The following MGAT4B variants were observed in gnomAD, a reference collection of about 807,000 sequenced individuals.
MGAT4B encodes alpha-1,3-mannosyl-glycoprotein 4-beta-N-acetylglucosaminyltransferase B.
In MGAT4B, 38 loss-of-function variants were observed where a neutral mutation model predicts 73.9. The ratio of observed to expected loss-of-function variants is 0.51; its 90% CI spans 0.40 to 0.67. The LOEUF is 0.67. Among genes scored for constraint, MGAT4B ranks in the 30% least tolerant of loss-of-function variants. The pLI is 0.00. For synonymous variants in MGAT4B, 373 were observed against 313.5 expected, an observed-to-expected ratio of 1.19 and a Z score of -2.01; for missense variants, 686 against 735.2, an observed-to-expected ratio of 0.93 and a Z score of 0.77.
In MGAT4B at chr5:179,801,347, A is replaced by G. The variant is rs1303645022; in HGVS notation, c.545T>C (p.Val182Ala). The G allele has an allele frequency of 6.2e-7, 1 of 1,611,670 alleles. No homozygotes were observed. Among genetic ancestry groups the G allele is most frequent in the East Asian group, 2.2e-5 (1 of 44,786 alleles). The change falls in exon 4 of 15, where the codon GTG (valine) becomes GCG (alanine). Residue 182 changes from valine (V) to alanine (A), a missense_variant. Val to Ala is a moderately conservative substitution (Grantham distance 64, BLOSUM62 0). This residue lies in a region of MGAT4B where 449 missense variants were observed against 536.8 expected (regional missense o/e 0.84). Coordinates refer to ENST00000292591, the MANE Select transcript of MGAT4B (RefSeq NM_014275.5). The surrounding 1 kb of genome is among the most constrained non-coding windows in gnomAD (Gnocchi z 4.8). ...CGGCTCACTCGCCTCGGCGATCAGC[A>G]CCACGATGACCGAGTCCTCCTTCTC... ...PQEKEDSVIV[V>A]LIAETDSQYT... is the part of the protein sequence containing the mutation.
chr5:179,797,899 C>G lies in MGAT4B; in HGVS notation c.*146G>C. The G allele has an allele frequency of 1.7e-6, 2 of 1,180,918 alleles. No homozygotes were observed. The highest frequency in any genetic ancestry group is 1.2e-6 in the Non-Finnish European group (1 of 839,190). 73.2% of individuals were successfully genotyped at this position (1,180,918 alleles called of 1,614,324 possible). On this transcript the variant is annotated 3_prime_UTR_variant, in exon 15 of 15. Transcript: ENST00000292591. ...CCAGCTCCTAGGGCCTCCGGGCCAG[C>G]GGCGGACCCCAGGCCGGCCCAAGCC... is the stretch of plus-strand genomic sequence containing the variant.
Position 179,799,539 on chromosome 5 carries a change from C to T in MGAT4B, c.1008G>A (p.Leu336=). 6.2e-7 allele frequency: 1 copy of T among 1,613,984 alleles called. No individual in the cohort carries two copies. Among genetic ancestry groups the T allele is most frequent in the South Asian group, 1.1e-5 (1 of 91,084 alleles). The change falls in exon 9 of 15, where the codon CTG becomes CTA. Residue 336 remains leucine (L), a synonymous_variant. Coordinates refer to ENST00000292591, the MANE Select transcript of MGAT4B (RefSeq NM_014275.5). ...TCTCGGGGTTGCAGACTTTCACCCA[C>T]AGAATATGGTCCAGGAGCCAGTCGA... ...KPIDWLLDHI[L]WVKVCNPEKD... is the part of the protein sequence containing the mutation.
At position 179,800,035 on chromosome 5, in the gene MGAT4B, G is replaced by C. The variant is rs1345362091; in HGVS notation, c.829C>G (p.Leu277Val). The C allele has an allele frequency of 6.2e-7, 1 of 1,613,936 alleles. No homozygotes were observed. The highest frequency in any genetic ancestry group is 1.3e-5 in the African/African-American group (1 of 74,926). Residue 277 changes from leucine to valine, a missense_variant, in exon 8 of 15, where the codon CTG (leucine) becomes GTG (valine). Leu to Val is a conservative substitution (Grantham distance 32). Around this residue, in one of 2 missense-constraint regions of MGAT4B, gnomAD observed 449 missense variants for 536.8 expected, o/e 0.84. Coordinates refer to ENST00000292591, the MANE Select transcript of MGAT4B (RefSeq NM_014275.5). Reference protein sequence around the residue: ...EDDIVAKPNYLSTMKNFALQQ... With the variant: ...EDDIVAKPNYVSTMKNFALQQ... ...AGTGCAAAGTTCTTCATGGTGCTCA[G>C]GTAGTTGGGCTTGGCCACGATGTCA...
At chr5:179,802,724 G>A (rs552607) in intron 1 of MGAT4B, 6 of 985,784 alleles carry the variant, frequency 6.1e-6, no homozygotes, top group Non-Finnish European at 7.2e-6. Flanking sequence ...GGATGGGGCA[G>A]CACAGAGGTG....
intron 7 of MGAT4B, 32 bp downstream of exon 7, chr5:179,800,152 C>T (rs1756846576): frequency 4.3e-6 from 7 of 1,612,910 alleles, no homozygotes; most frequent in Non-Finnish European, 5.9e-6. Flanking sequence ...CGGCGCAGGG[C>T]AGGGCAGGGC....
In MGAT4B at chr5:179,799,557, C is replaced by G; in HGVS notation, c.990G>C (p.Trp330Cys). Reference protein sequence around the residue: ...LMFYRDKPIDWLLDHILWVKV... With the variant: ...LMFYRDKPIDCLLDHILWVKV... Reference sequence around the variant, plus strand: ...TCACCCACAGAATATGGTCCAGGAGCCAGTCGATGGGCTTGTCCCGGTAGA... The same window carrying G: ...TCACCCACAGAATATGGTCCAGGAGGCAGTCGATGGGCTTGTCCCGGTAGA... The change falls in exon 9 of 15, where the codon TGG becomes TGC. Residue 330 changes from tryptophan (W) to cysteine (C), a missense_variant. Transcript: ENST00000292591. The G allele has an allele frequency of 6.2e-7, 1 of 1,614,012 alleles. No individual in the cohort carries two copies. The highest frequency in any genetic ancestry group is 1.1e-5 in the South Asian group (1 of 91,084).
chr5:179,800,251 G>A lies in MGAT4B; in HGVS notation c.728C>T (p.Thr243Ile). ...GDPKERVRWR[T>I]KQNLDYCFLM... ...GAAGCAGTAATCGAGGTTCTGTTTG[G>A]TCCTCCACCTGTGGGCCGGGGCGGG... The change falls in exon 7 of 15, where the codon ACC becomes ATC. Residue 243 changes from threonine (T) to isoleucine (I), a missense_variant. Thr to Ile is a moderately conservative substitution (Grantham distance 89). Coordinates refer to ENST00000292591, the MANE Select transcript of MGAT4B (RefSeq NM_014275.5). 1 of 1,613,222 alleles carries A rather than the reference G, an allele frequency of 6.2e-7. No homozygotes were observed. Among genetic ancestry groups the A allele is most frequent in the East Asian group, 2.2e-5 (1 of 44,892 alleles).
chr5:179,803,228 A>T, intron 1 of MGAT4B: 1 of 985,062 alleles, frequency 1.0e-6, no homozygotes, highest in Non-Finnish European at 1.2e-6. Flanking sequence ...GCCAGCCCCC[A>T]CCCTCCACAC....
At position 179,799,491 on chromosome 5, in the gene MGAT4B, C is replaced by T; in HGVS notation, c.1041+15G>A. ...CTTGGCCCTGCCCCTGCCAGTCCCGCCAGCTCTTGCTCACCGCATCCTTCT... is the reference window on the plus strand; with the variant it reads ...CTTGGCCCTGCCCCTGCCAGTCCCGTCAGCTCTTGCTCACCGCATCCTTCT... On this transcript the variant is annotated intron_variant, in intron 9 of 14. Coordinates refer to ENST00000292591, the MANE Select transcript of MGAT4B (RefSeq NM_014275.5). The T allele has an allele frequency of 6.2e-7, 1 of 1,613,652 alleles. No individual in the cohort carries two copies. The highest frequency in any genetic ancestry group is 8.5e-7 in the Non-Finnish European group (1 of 1,179,916).
rs1156887717 is a variant in MGAT4B, at chr5:179,806,454, G to A, written c.97+33C>T. On this transcript the variant is annotated intron_variant, in intron 1 of 14. Coordinates refer to ENST00000292591, the MANE Select transcript of MGAT4B (RefSeq NM_014275.5). The surrounding 1 kb of genome is among the most constrained non-coding windows in gnomAD (Gnocchi z 4.6). ...GCTCCCGCCGCCGACGCCCAGGTGC[G>A]CCAGGTGCGGGCCGGGCGGGGGTCG... 2.5e-6 allele frequency: 3 copies of A among 1,214,520 alleles called. No individual in the cohort carries two copies. The highest frequency in any genetic ancestry group is 2.1e-6 in the Non-Finnish European group (2 of 951,006). 75.2% of individuals were successfully genotyped at this position (1,214,520 alleles called of 1,614,324 possible).
Position 179,799,506 on chromosome 5 carries a change from C to A in MGAT4B, c.1041G>T (p.Ala347=). The A allele has an allele frequency of 1.2e-6, 2 of 1,613,840 alleles. No homozygotes were observed. Among genetic ancestry groups the A allele is most frequent in the South Asian group, 2.2e-5 (2 of 91,080 alleles). ...WVKVCNPEKD[A]KHCDRQKANL... The stretch of plus-strand genomic sequence containing the variant: ...GCCAGTCCCGCCAGCTCTTGCTCAC[C>A]GCATCCTTCTCGGGGTTGCAGACTT... Residue 347 remains alanine (A), a splice_region_variant and synonymous_variant, in exon 9 of 15, where the codon GCG becomes GCT. Coordinates refer to ENST00000292591, the MANE Select transcript of MGAT4B (RefSeq NM_014275.5).
At chr5:179,803,331 A>G in intron 1 of MGAT4B, 1 of 946,114 alleles carries the variant, frequency 1.1e-6, no homozygotes, top group Non-Finnish European at 1.3e-6. Context: ...TGGCTCTGCC[A>G]GGCTCCACGC....
chr5:179,801,913 C>CTT lies in MGAT4B; in HGVS notation c.153_154insAA (p.Ala52LysfsTer43). On this transcript the variant is annotated frameshift_variant, in exon 2 of 15. Coordinates refer to ENST00000292591, the MANE Select transcript of MGAT4B (RefSeq NM_014275.5). LOFTEE classifies it high-confidence loss of function. This position sits in a 1 kb window ranked among gnomAD's most constrained non-coding sequence, Gnocchi z 4.8. ...CGCTTGAGGCTCTCCTGCTCAGCTG[C>CTT]GTGCAACCGATCGCGCAGCGCCAGG... The CTT allele has an allele frequency of 6.2e-7, 1 of 1,613,334 alleles. No homozygotes were observed. Among genetic ancestry groups the CTT allele is most frequent in the Non-Finnish European group, 8.5e-7 (1 of 1,179,978 alleles).
Position 179,802,066 on chromosome 5 carries a change from G to GC in MGAT4B, c.98-98dup, listed in dbSNP as rs751037005. 45 of 1,596,600 alleles carry GC rather than the reference G, an allele frequency of 2.8e-5. 1 individual carries two copies. In the South Asian group the frequency reaches 5.0e-4, roughly 18 times the overall value. On this transcript the variant is annotated intron_variant, in intron 1 of 14. Coordinates refer to ENST00000292591, the MANE Select transcript of MGAT4B (RefSeq NM_014275.5). ...CGCACACATCTGGGTGTCCACCTCT[G>GC]CAATAGCTCATTGACATCTGTTCTT... is the stretch of plus-strand genomic sequence containing the variant.
In MGAT4B at chr5:179,799,584, C is replaced by A. The variant is rs192627568; in HGVS notation, c.963G>T (p.Met321Ile). 1.2e-6 allele frequency: 2 copies of A among 1,613,990 alleles called. No individual in the cohort carries two copies. The highest frequency in any genetic ancestry group is 1.7e-5 in the Admixed American group (1 of 60,026). Residue 321 changes from methionine (M) to isoleucine (I), a missense_variant, in exon 9 of 15, where the codon ATG becomes ATT. By Grantham distance (10) the Met-to-Ile change is conservative. Transcript: ENST00000292591. ...AGTCGATGGGCTTGTCCCGGTAGAA[C>A]ATGAGAATGAACTCTACAATCAGGC... The part of the protein sequence containing the change: ...DLSLIVEFIL[M>I]FYRDKPIDWL...
chr5:179,798,859 CG>C, intron 11 of MGAT4B, 68 bp downstream of exon 11: 1 of 1,547,812 alleles, frequency 6.5e-7, no homozygotes, highest in South Asian at 1.1e-5. Context: ...GATAACTTGC[CG>C]GTGAAGCCTA....
chr5:179,799,463 C>T, intron 9 of MGAT4B, 43 bp downstream of exon 9: 9 of 1,612,120 alleles, frequency 5.6e-6, no homozygotes, highest in Non-Finnish European at 5.9e-6. Flanking sequence ...AGGCTGCCTG[C>T]CCCTTGGCCC....
rs767834873 is a variant in MGAT4B at position 179,800,086 on chromosome 5, AG to A, written c.796-19del. ...TCCTCCAGCTGCGAGGTGAGCAGAG[AG>A]GGGCTGGGGCTGAGGAAGGGCACCC... On this transcript the variant is annotated intron_variant, in intron 7 of 14. Coordinates refer to ENST00000292591, the MANE Select transcript of MGAT4B (RefSeq NM_014275.5). 5 of 1,612,850 alleles carry A rather than the reference AG, an allele frequency of 3.1e-6. No homozygotes were observed. In the Admixed American group the frequency reaches 8.3e-5, roughly 27 times the overall value.
rs1156887717 is a variant in MGAT4B at position 179,806,454 on chromosome 5, G to T, written c.97+33C>A. The stretch of plus-strand genomic sequence containing the variant: ...GCTCCCGCCGCCGACGCCCAGGTGC[G>T]CCAGGTGCGGGCCGGGCGGGGGTCG... On this transcript the variant is annotated intron_variant, in intron 1 of 14. Coordinates refer to ENST00000292591, the MANE Select transcript of MGAT4B (RefSeq NM_014275.5). The surrounding 1 kb of genome is among the most constrained non-coding windows in gnomAD (Gnocchi z 4.6). 3 of 1,214,522 alleles carry T rather than the reference G, an allele frequency of 2.5e-6. No homozygotes were observed. The highest frequency in any genetic ancestry group is 3.2e-5 in the African/African-American group (2 of 62,182). The allele number at this position is 1,214,522 out of a possible 1,614,324, so 75.2% of individuals were successfully genotyped here.
Sources: gnomAD v4.1 joint callset for allele counts on GRCh38, gnomAD v4.1.1 for gene constraint, gnomAD v4.1.1 regional missense constraint, Gnocchi (gnomAD v3.1) non-coding constraint, MANE v1.5 for transcripts, NCBI Gene and HGNC (gene_info 2026-07-23, HGNC 2026-07-21) for gene names.